NLK: variants seen among roughly 807,000 people sequenced by gnomAD.
NLK encodes the protein serine/threonine-protein kinase NLK.
Under a neutral mutation model 59.0 loss-of-function variants are expected in NLK, and 11 were observed. The ratio of observed to expected loss-of-function variants is 0.19; its 90% CI spans 0.12 to 0.31. The LOEUF is 0.31. Ranked by LOEUF, NLK falls within the 10% of genes least tolerant of loss-of-function variation. The probability of loss-of-function intolerance (pLI) is 1.00; values close to 1 mark genes in which losing one functional copy is unlikely to be tolerated. For missense variants in NLK, 410 were observed against 661.1 expected (o/e 0.62, Z 4.16); for synonymous variants, 235 against 235.9 (o/e 1.00, Z 0.03).
intron 1 of NLK, among the ~76,000 whole-genome samples, chr17:28,083,818 T>C (rs1446319632): frequency 6.6e-6 from 1 of 152,170 alleles, no homozygotes; most frequent in Non-Finnish European, 1.5e-5. Context: ...CAGCTAACCA[T>C]GAAAATTCTT....
chr17:28,180,893 T>C (rs1908877770), intron 7 of NLK, among the ~76,000 whole-genome samples: 1 of 152,216 alleles, frequency 6.6e-6, no homozygotes, highest in African/African-American at 2.4e-5. Context: ...CCCATCACTC[T>C]CCACCTCTCC....
At chr17:28,084,917 G>C (rs972749191) in intron 1 of NLK, among the ~76,000 whole-genome samples, 2 of 152,070 alleles carry the variant, frequency 1.3e-5, no homozygotes, top group African/African-American at 4.8e-5. Flanking sequence ...GCAAAAGTTT[G>C]TGAAAAAACA....
chr17:28,176,922 C>T (rs150208785), intron 7 of NLK, among the ~76,000 whole-genome samples: 4 of 152,272 alleles, frequency 2.6e-5, no homozygotes, highest in Non-Finnish European at 5.9e-5. Context: ...CAACTCCACC[C>T]CCCTAACCCC....
intron 8 of NLK, 62 bp from the exon 9 acceptor site, chr17:28,190,959 A>G (rs1039760232): frequency 2.9e-5 from 34 of 1,185,334 alleles, no homozygotes; most frequent in Non-Finnish European, 4.1e-5. Context: ...CTTTTGAAAG[A>G]TCCTATGTGG....
chr17:28,170,692 T>C (rs576123848), intron 6 of NLK, among the ~76,000 whole-genome samples: 2 of 152,308 alleles, frequency 1.3e-5, no homozygotes, highest in Non-Finnish European at 1.5e-5. Flanking sequence ...CTACCTTGCA[T>C]ACAGAAAAGC....
chr17:28,146,282 G>A (rs1907244769), intron 3 of NLK, among the ~76,000 whole-genome samples: 1 of 151,914 alleles, frequency 6.6e-6, no homozygotes, highest in South Asian at 2.1e-4. Flanking sequence ...TATTTTAAAG[G>A]AATAAATGAA....
intron 3 of NLK, among the ~76,000 whole-genome samples, chr17:28,148,657 A>C (rs1907354846): frequency 6.6e-6 from 1 of 152,228 alleles, no homozygotes; most frequent in African/African-American, 2.4e-5. Flanking sequence ...GGAAATAGCC[A>C]CAAGTTGTTA....
intron 2 of NLK, among the ~76,000 whole-genome samples, chr17:28,130,118 T>A (rs1906457068): frequency 6.6e-6 from 1 of 152,214 alleles, no homozygotes; most frequent in Non-Finnish European, 1.5e-5. Context: ...CTTCAACTCT[T>A]TATAAGCCAA....
chr17:28,109,955 G>T (rs1341117642), intron 1 of NLK, among the ~76,000 whole-genome samples: 2 of 152,128 alleles, frequency 1.3e-5, no homozygotes, highest in Non-Finnish European at 2.9e-5. Flanking sequence ...ATGTAAAAGG[G>T]TTCCAATTTT....
At chr17:28,188,877 C>T (rs1402043424) in intron 8 of NLK, among the ~76,000 whole-genome samples, 1 of 152,118 alleles carries the variant, frequency 6.6e-6, no homozygotes, top group Admixed American at 6.5e-5. Flanking sequence ...AAGCAGTCTA[C>T]TGCCATCACA....
chr17:28,093,830 CATTT>C (rs1483497277), intron 1 of NLK, among the ~76,000 whole-genome samples: 1 of 152,178 alleles, frequency 6.6e-6, no homozygotes, highest in Admixed American at 6.5e-5. Context: ...TTGTTCACCT[CATTT>C]ATTTGTGTTT....
intron 1 of NLK, chr17:28,047,781 C>T: frequency 5.1e-6 from 2 of 388,980 alleles, no homozygotes; most frequent in Non-Finnish European, 9.1e-6. Flanking sequence ...TTGTCTGGTC[C>T]TCTTACTCCA....
chr17:28,119,720 T>C (rs1905941403), intron 1 of NLK, among the ~76,000 whole-genome samples: 6 of 152,174 alleles, frequency 3.9e-5, no homozygotes, highest in Admixed American at 1.3e-4. Flanking sequence ...TTTACACAGT[T>C]ACAAAGGGAA....
At position 28,195,681 on chromosome 17, in the gene NLK, A is replaced by G. The variant is rs565188023; in HGVS notation, c.*1045A>G. 1.3e-5 allele frequency: 2 copies of G among 152,768 alleles called. No homozygotes were observed. Among genetic ancestry groups the G allele is most frequent in the East Asian group, 1.9e-4 (1 of 5,194 alleles). 9.5% of individuals were successfully genotyped at this position (152,768 alleles called of 1,614,324 possible). ...AGTAAATAACTTATTACTTTTTGACAAGTTCTTTTTTTCTGTTGGAACACT... is the reference window on the plus strand; with the variant it reads ...AGTAAATAACTTATTACTTTTTGACGAGTTCTTTTTTTCTGTTGGAACACT... On this transcript the variant is annotated 3_prime_UTR_variant, in exon 11 of 11. Transcript: ENST00000407008.
intron 1 of NLK, among the ~76,000 whole-genome samples, chr17:28,089,450 T>C (rs1904402786): frequency 6.6e-6 from 1 of 152,132 alleles, no homozygotes; most frequent in African/African-American, 2.4e-5. Flanking sequence ...TGTAGAGATA[T>C]ACTATAGTTT....
chr17:28,176,347 A>G (rs1908680723), intron 7 of NLK, among the ~76,000 whole-genome samples: 1 of 152,246 alleles, frequency 6.6e-6, no homozygotes, highest in South Asian at 2.1e-4. Flanking sequence ...GCTTCTTTCA[A>G]GTAGTTTTCA....
At chr17:28,194,142 C>A (rs34041756) in intron 10 of NLK, among the ~76,000 whole-genome samples, 2,344 of 152,290 alleles carry the variant, frequency 0.015, 65 homozygotes, top group African/African-American at 0.053. Flanking sequence ...ATGGATGATT[C>A]TACATCCCTT....
chr17:28,182,786 G>A (rs749816397), intron 7 of NLK, among the ~76,000 whole-genome samples: 15 of 152,076 alleles, frequency 9.9e-5, no homozygotes, highest in Non-Finnish European at 2.1e-4. Flanking sequence ...CCCTAAAGTG[G>A]TATGATGAAG....
chr17:28,090,618 A>T (rs1156862854), intron 1 of NLK, among the ~76,000 whole-genome samples: 2 of 152,024 alleles, frequency 1.3e-5, no homozygotes, highest in Non-Finnish European at 2.9e-5. Flanking sequence ...ACACTTTGGG[A>T]GGCCGAGAGG....
Sources: gnomAD v4.1 joint callset for allele counts (sites outside exome capture counted in the v4.1 genomes callset) on GRCh38, gnomAD v4.1.1 for gene constraint, MANE v1.5 for transcripts, NCBI Gene and HGNC (gene_info 2026-07-23, HGNC 2026-07-21) for gene names.